MYO1F: variants seen among roughly 807,000 people sequenced by gnomAD.
The protein encoded by MYO1F is myosin IF, also known as unconventional myosin-If.
Under a neutral mutation model 146.6 loss-of-function variants are expected in MYO1F, and 60 were observed. The ratio of observed to expected loss-of-function variants is 0.41; its 90% confidence interval spans 0.33 to 0.51. The LOEUF is 0.51. MYO1F is among the 20% of genes least tolerant of loss of function. The pLI is 0.25. For synonymous variants in MYO1F, 602 were observed against 602.1 expected, an observed-to-expected ratio of 1.00 and a Z score of 0.00; for missense variants, 1,274 against 1,534.3, an observed-to-expected ratio of 0.83 and a Z score of 2.83.
At chr19:8,549,096 ATG>A in intron 10 of MYO1F, among the ~76,000 whole-genome samples, 1 of 149,720 alleles carries the variant, frequency 6.7e-6, no homozygotes, top group Non-Finnish European at 1.5e-5. Flanking sequence ...GATTACAGGC[ATG>A]CGCCACCACG....
At chr19:8,540,911 C>A (rs1007772289) in intron 15 of MYO1F, among the ~76,000 whole-genome samples, 1 of 151,996 alleles carries the variant, frequency 6.6e-6, no homozygotes, top group African/African-American at 2.4e-5. Context: ...TAGTTCTAAA[C>A]CTGATTGTTC....
intron 1 of MYO1F, among the ~76,000 whole-genome samples, chr19:8,567,026 G>A (rs960629846): frequency 1.3e-5 from 2 of 150,194 alleles, no homozygotes; most frequent in Non-Finnish European, 3.0e-5. Context: ...TTCAACACAC[G>A]CTGGCTGAGG....
intron 1 of MYO1F, among the ~76,000 whole-genome samples, chr19:8,559,969 AAAGT>A (rs1245104975): frequency 1.3e-5 from 2 of 151,266 alleles, no homozygotes; most frequent in South Asian, 2.1e-4. Context: ...AAAAAAAAAA[AAAGT>A]AAAGAATTAA....
At chr19:8,534,602 G>A (rs1304251683) in intron 19 of MYO1F, among the ~76,000 whole-genome samples, 2 of 151,250 alleles carry the variant, frequency 1.3e-5, no homozygotes, top group Non-Finnish European at 2.9e-5. Flanking sequence ...CACCGTGCCT[G>A]GCCTTTTCTT....
At chr19:8,531,905 G>A (rs547412123) in intron 19 of MYO1F, among the ~76,000 whole-genome samples, 7 of 152,244 alleles carry the variant, frequency 4.6e-5, no homozygotes, top group African/African-American at 1.7e-4. Flanking sequence ...ATCACCTGAG[G>A]TCAAGAGTTT....
intron 1 of MYO1F, among the ~76,000 whole-genome samples, chr19:8,562,768 A>T (rs1346000438): frequency 6.6e-6 from 1 of 151,834 alleles, no homozygotes; most frequent in Non-Finnish European, 1.5e-5. Context: ...TCCTGGGCTC[A>T]AGCAATCCTC....
intron 1 of MYO1F, among the ~76,000 whole-genome samples, chr19:8,557,247 T>C (rs1268686247): frequency 3.3e-5 from 5 of 152,118 alleles, no homozygotes; most frequent in Non-Finnish European, 7.4e-5. Context: ...ATTTCGCCAC[T>C]ACACTCCATC....
rs963701078 is a variant in MYO1F at position 8,551,667 on chromosome 19, A to G, written c.771+73T>C. 13 of 1,607,696 alleles carry G rather than the reference A, an allele frequency of 8.1e-6. No individual in the cohort carries two copies. The East Asian group carries it at 1.6e-4, about 19-fold the overall frequency. On this transcript the variant is annotated intron_variant, in intron 8 of 27. Transcript: ENST00000644032. ...TGCCTGGCCTGGGCTTCGGTTTCCT[A>G]ATTTGTAACTCAGGAGGGTTTCTGG...
At position 8,537,069 on chromosome 19, in the gene MYO1F, G is replaced by A; in HGVS notation, c.1693-14C>T. 2 of 1,583,590 alleles carry A rather than the reference G, an allele frequency of 1.3e-6. No homozygotes were observed. The highest frequency in any genetic ancestry group is 1.7e-6 in the Non-Finnish European group (2 of 1,156,974). On this transcript the variant is annotated splice_polypyrimidine_tract_variant and intron_variant, in intron 16 of 27. Transcript: ENST00000644032. ...GTTGGCTTGTTTCTGAGGCAGAAGT[G>A]AAGACGGGTGGGTGGGGGGCACAGA...
In MYO1F at chr19:8,539,931, T is replaced by C; in HGVS notation, c.1692+16A>G. The C allele has an allele frequency of 6.2e-7, 1 of 1,610,956 alleles. No homozygotes were observed. Among genetic ancestry groups the C allele is most frequent in the Non-Finnish European group, 8.5e-7 (1 of 1,178,378 alleles). On this transcript the variant is annotated intron_variant, in intron 16 of 27. Transcript: ENST00000644032. ...CCTCTGCAGGCCCAGCTCCCCGTTG[T>C]ACACCCCAGGCCCACCTTGATCTTG...
At chr19:8,540,322 C>T (rs1972906876) in intron 15 of MYO1F, 1 of 300,572 alleles carries the variant, frequency 3.3e-6, no homozygotes, top group Non-Finnish European at 6.1e-6. Flanking sequence ...TTGTACATTT[C>T]ATTTCATTTT....
intron 1 of MYO1F, among the ~76,000 whole-genome samples, chr19:8,562,278 G>A: frequency 6.6e-6 from 1 of 151,966 alleles, no homozygotes; most frequent in Non-Finnish European, 1.5e-5. Flanking sequence ...TGGGATTATA[G>A]GCATGAGCCA....
At chr19:8,523,514 AT>A (rs1418662670) in intron 25 of MYO1F, among the ~76,000 whole-genome samples, 1 of 151,598 alleles carries the variant, frequency 6.6e-6, no homozygotes, top group Non-Finnish European at 1.5e-5. Context: ...TGCCCAGTTG[AT>A]TTTTATAATT....
intron 2 of MYO1F, chr19:8,555,297 G>A: frequency 3.7e-6 from 1 of 271,916 alleles, no homozygotes; most frequent in Non-Finnish European, 7.1e-6. Context: ...TTGAATCCGG[G>A]AGGTGGAGGT....
chr19:8,523,275 C>T lies in MYO1F; in HGVS notation c.2855-446G>A, dbSNP rs140720485. The stretch of plus-strand genomic sequence containing the variant: ...GTCTCGATCTCCTGACCTTGTGATC[C>T]GCCCGCCTTGGCCTCCCAAAGTGCT... On this transcript the variant is annotated intron_variant, in intron 25 of 27. Transcript: ENST00000644032. 8.2e-3 allele frequency among the ~76,000 whole-genome samples: 1,249 copies of T among 152,076 alleles called. 13 individuals are homozygous for T. Among genetic ancestry groups the T allele is most frequent in the African/African-American group, 0.028 (1,157 of 41,482 alleles).
intron 1 of MYO1F, among the ~76,000 whole-genome samples, chr19:8,574,629 CTTTCTTTCTTTCTTTCCTTT>C (rs2042193008): frequency 5.9e-4 from 26 of 43,730 alleles, no homozygotes; most frequent in African/African-American, 2.0e-3. Flanking sequence ...TTCTTTCTTT[CTTTCTTTCTTTCTTTCCTTT>C]CTTTCTCTTT....
chr19:8,553,918 T>G (rs921660883), intron 4 of MYO1F, among the ~76,000 whole-genome samples: 3 of 145,080 alleles, frequency 2.1e-5, no homozygotes, highest in African/African-American at 7.4e-5. Flanking sequence ...TCTCTCTCTC[T>G]CTCTCGCTCT....
rs1216094757 is a variant in MYO1F, at chr19:8,532,909, C to T, written c.2044-2336G>A. ...TCTCAGAAAAAAAAAAAAATACACACACACACACACACACACACACACACA... is the reference window on the plus strand; with the variant it reads ...TCTCAGAAAAAAAAAAAAATACACATACACACACACACACACACACACACA... On this transcript the variant is annotated intron_variant, in intron 19 of 27. Transcript: ENST00000644032. Among the ~76,000 whole-genome samples the T allele has an allele frequency of 6.6e-3, 669 of 101,490 alleles. 10 individuals carry two copies. Among genetic ancestry groups the T allele is most frequent in the African/African-American group, 0.042 (616 of 14,736 alleles). The allele number at this position is 101,490 out of a possible 152,430, so 66.6% of individuals were successfully genotyped here. A position where few individuals can be genotyped will look rare whatever the true frequency, so the allele number is the denominator to read the frequency against.
At position 8,526,514 on chromosome 19, in the gene MYO1F, C is replaced by T; in HGVS notation, c.2709G>A (p.Val903=). The change falls in exon 24 of 28, where the codon GTG becomes GTA. Residue 903 remains valine, a synonymous_variant. Transcript: ENST00000644032. The part of the protein sequence containing the change: ...TFSRGFGDLA[V]LKVGGRTLTV... ...TGAGGGTCCGACCGCCAACCTTGAG[C>T]ACTGCCAAGTCGCCGAAGCCGCGGG... is the stretch of plus-strand genomic sequence containing the variant. 6.3e-7 allele frequency: 1 copy of T among 1,583,328 alleles called. No homozygotes were observed. The highest frequency in any genetic ancestry group is 8.6e-7 in the Non-Finnish European group (1 of 1,166,256).
Sources: allele counts gnomAD v4.1 joint callset (sites outside exome capture counted in the v4.1 genomes callset), GRCh38; gene constraint gnomAD v4.1.1; transcripts MANE v1.5; gene names NCBI Gene and HGNC (gene_info 2026-07-23, HGNC 2026-07-21).